Variants in DPP10 observed in about 807,000 individuals in gnomAD.
DPP10 encodes the protein dipeptidyl peptidase like 10.
In DPP10, 33 loss-of-function variants were observed where a neutral mutation model predicts 120.9. The ratio of observed to expected loss-of-function variants is 0.27; its 90% confidence interval spans 0.21 to 0.37. The LOEUF (loss-of-function observed/expected upper bound fraction) is 0.37. DPP10 is among the 10% of genes least tolerant of loss of function. The probability of loss-of-function intolerance (pLI) is 1.00; values close to 1 mark genes in which losing one functional copy is unlikely to be tolerated. For synonymous variants in DPP10, 337 were observed against 326.1 expected (o/e 1.03, Z -0.36); for missense variants, 816 against 942.8 (o/e 0.87, Z 1.76).
At chr2:114,919,505 C>T (rs950043172) in intron 1 of DPP10, among the ~76,000 whole-genome samples, 16 of 152,128 alleles carry the variant, frequency 1.1e-4, no homozygotes, top group Admixed American at 2.6e-4. Flanking sequence ...TTCTGTGATT[C>T]TAATTATTTT....
chr2:115,573,277 T>A (rs63747560), intron 5 of DPP10, among the ~76,000 whole-genome samples: 1 of 23,832 alleles, frequency 4.2e-5, no homozygotes, highest in Non-Finnish European at 1.0e-4. Flanking sequence ...CTTCCTGGGA[T>A]TTTTTTTTTT....
intron 1 of DPP10, among the ~76,000 whole-genome samples, chr2:114,689,656 C>A (rs1280009428): frequency 6.6e-6 from 1 of 151,984 alleles, no homozygotes; most frequent in Non-Finnish European, 1.5e-5. Flanking sequence ...AGGAATTGCT[C>A]CACTGTCTTC....
intron 1 of DPP10, among the ~76,000 whole-genome samples, chr2:114,724,040 T>G (rs572925602): frequency 6.6e-6 from 1 of 152,292 alleles, no homozygotes; most frequent in East Asian, 1.9e-4. Flanking sequence ...ATTTTTTAAA[T>G]GGGTTGATGG....
intron 5 of DPP10, among the ~76,000 whole-genome samples, chr2:115,529,186 G>A (rs1035952135): frequency 6.6e-6 from 1 of 151,486 alleles, no homozygotes; most frequent in Non-Finnish European, 1.5e-5. Context: ...CGGTGGGAGG[G>A]AGGCCGAGAG....
At chr2:115,303,274 T>C (rs1379932379) in intron 1 of DPP10, among the ~76,000 whole-genome samples, 1 of 151,986 alleles carries the variant, frequency 6.6e-6, no homozygotes, top group Non-Finnish European at 1.5e-5. Flanking sequence ...AGTTATTTGT[T>C]TCTTGGAGGC....
intron 1 of DPP10, among the ~76,000 whole-genome samples, chr2:114,496,448 A>G (rs1292372760): frequency 1.3e-5 from 2 of 152,178 alleles, no homozygotes; most frequent in East Asian, 3.9e-4. Flanking sequence ...TCCAAGATAC[A>G]GGTGTCAGCA....
At chr2:115,840,311 G>GTTTGTTTTTTT (rs1689961762) in intron 24 of DPP10, among the ~76,000 whole-genome samples, 2 of 33,242 alleles carry the variant, frequency 6.0e-5, no homozygotes, top group African/African-American at 1.8e-4. Context: ...CAGATATAAG[G>GTTTGTTTTTTT]TTTTTTGGTT....
chr2:114,632,125 C>T (rs182574278), intron 1 of DPP10, among the ~76,000 whole-genome samples: 40 of 152,020 alleles, frequency 2.6e-4, no homozygotes, highest in Admixed American at 7.2e-4. Flanking sequence ...TTTTCTCTGT[C>T]TTTTTTGCAA....
At chr2:114,646,640 A>G (rs975145956) in intron 1 of DPP10, among the ~76,000 whole-genome samples, 11 of 152,156 alleles carry the variant, frequency 7.2e-5, no homozygotes, top group Admixed American at 2.6e-4. Flanking sequence ...AGGAGACAGC[A>G]CTAAGTCCTA....
chr2:115,064,839 C>A, intron 1 of DPP10: 1 of 1,303,562 alleles, frequency 7.7e-7, no homozygotes, highest in Non-Finnish European at 1.0e-6. Context: ...GTTTAGTCTT[C>A]TTTCTAGCAG....
chr2:115,043,739 G>A (rs938679413), intron 1 of DPP10, among the ~76,000 whole-genome samples: 2 of 152,076 alleles, frequency 1.3e-5, no homozygotes, highest in Admixed American at 6.6e-5. Context: ...TGGAGAAAAC[G>A]TTTAAAAATT....
intron 7 of DPP10, among the ~76,000 whole-genome samples, chr2:115,721,007 G>T (rs1322753534): frequency 6.6e-6 from 1 of 152,114 alleles, no homozygotes; most frequent in Non-Finnish European, 1.5e-5. Context: ...AACTTCATAG[G>T]CTTTGAAAGA....
rs2086955465 is a variant in DPP10 at position 115,643,456 on chromosome 2, G to T, written c.442-46231G>T. ...GCTCAAGGGTCTACCTGTATAGACT[G>T]CGAAATCCATATACTGCACCAAGAT... is the stretch of plus-strand genomic sequence containing the variant. On this transcript the variant is annotated intron_variant, in intron 5 of 25. Transcript: ENST00000410059. 2.0e-5 allele frequency among the ~76,000 whole-genome samples: 3 copies of T among 152,138 alleles called. No individual in the cohort carries two copies. The South Asian group carries it at 6.2e-4, about 31-fold the overall frequency.
intron 1 of DPP10, among the ~76,000 whole-genome samples, chr2:115,241,966 T>A (rs1034030188): frequency 6.6e-6 from 1 of 152,200 alleles, no homozygotes; most frequent in Non-Finnish European, 1.5e-5. Context: ...GAAGTGGACA[T>A]GAATCATTTT....
intron 1 of DPP10, among the ~76,000 whole-genome samples, chr2:114,522,495 G>A (rs962660575): frequency 2.6e-5 from 4 of 152,022 alleles, no homozygotes; most frequent in African/African-American, 9.7e-5. Context: ...CTTAGAGATA[G>A]GACTAAAAAA....
chr2:114,739,090 T>C (rs1677764088), intron 1 of DPP10, among the ~76,000 whole-genome samples: 1 of 152,210 alleles, frequency 6.6e-6, no homozygotes, highest in Admixed American at 6.5e-5. Context: ...GATTGAAACA[T>C]CAAAGTACCT....
chr2:115,482,958 T>A (rs1464155678), intron 3 of DPP10, among the ~76,000 whole-genome samples: 2 of 152,100 alleles, frequency 1.3e-5, no homozygotes, highest in Admixed American at 1.3e-4. Flanking sequence ...ACTTAGACAC[T>A]AATTCAATGA....
chr2:115,695,548 A>C (rs531717653), intron 7 of DPP10, among the ~76,000 whole-genome samples: 1 of 152,088 alleles, frequency 6.6e-6, no homozygotes, highest in South Asian at 2.1e-4. Context: ...ATCAGATCTC[A>C]TGAGACTTAT....
intron 1 of DPP10, among the ~76,000 whole-genome samples, chr2:114,628,730 T>C (rs1428815825): frequency 6.6e-6 from 1 of 152,090 alleles, no homozygotes; most frequent in Non-Finnish European, 1.5e-5. Flanking sequence ...ACAAATAGAT[T>C]AGTAACAATG....
Sources: allele counts gnomAD v4.1 joint callset (sites outside exome capture counted in the v4.1 genomes callset), GRCh38; gene constraint gnomAD v4.1.1; transcripts MANE v1.5; gene names NCBI Gene and HGNC (gene_info 2026-07-23, HGNC 2026-07-21).